SGIP1: variants seen among roughly 807,000 people sequenced by gnomAD.
The protein encoded by SGIP1 is SH3-containing GRB2-like protein 3-interacting protein 1.
In SGIP1, 38 loss-of-function variants were observed where a neutral mutation model predicts 107.5. The ratio of observed to expected loss-of-function variants is 0.35; its 90% CI spans 0.27 to 0.46. The LOEUF (loss-of-function observed/expected upper bound fraction) is 0.46. SGIP1 is among the 20% of genes least tolerant of loss of function. The pLI is 1.00. For missense variants in SGIP1, 929 were observed against 1,019.5 expected (o/e 0.91, Z 1.21); for synonymous variants, 365 against 366.1 (o/e 1.00, Z 0.03).
At chr1:66,731,436 T>C (rs1046887526) in intron 20 of SGIP1, among the ~76,000 whole-genome samples, 7 of 152,200 alleles carry the variant, frequency 4.6e-5, no homozygotes, top group African/African-American at 1.7e-4. Flanking sequence ...TGTATACATA[T>C]ATTAACATAC....
chr1:66,590,088 G>T (rs927491794), intron 1 of SGIP1, among the ~76,000 whole-genome samples: 1 of 152,084 alleles, frequency 6.6e-6, no homozygotes, highest in Non-Finnish European at 1.5e-5. Flanking sequence ...CAACCACCAC[G>T]TCCAATTCAA....
intron 10 of SGIP1, 72 bp from the exon 11 acceptor site, chr1:66,671,871 CA>C (rs2083903329): frequency 1.4e-6 from 2 of 1,433,208 alleles, no homozygotes; most frequent in Non-Finnish European, 1.9e-6. Context: ...TAAGTGTTTC[CA>C]AACATAGGTT....
rs563240591 is a variant in SGIP1 at position 66,665,039 on chromosome 1, A to G, written c.472-2491A>G. Among the ~76,000 whole-genome samples the G allele has an allele frequency of 2.0e-5, 3 of 152,286 alleles. No homozygotes were observed. In the South Asian group the frequency reaches 6.2e-4, roughly 32 times the overall value. ...TGCACAACGTGCAGGTTTGTTACAT[A>G]TGTATACATGGTGCCATGTTGGTTG... On this transcript the variant is annotated intron_variant, in intron 8 of 24. Transcript: ENST00000371037.
chr1:66,750,767 C>T lies in SGIP1; in HGVS notation c.*7672C>T, dbSNP rs1465733239. ...CTCAAGAGAAAACCAACAACGGAAG[C>T]GAAGACTTACTTGCTCCTTCACAGA... On this transcript the variant is annotated 3_prime_UTR_variant, in exon 25 of 25. Transcript: ENST00000371037. 3.1e-5 allele frequency among the ~76,000 whole-genome samples: 4 copies of T among 128,996 alleles called. No individual in the cohort carries two copies. The highest frequency in any genetic ancestry group is 7.1e-5 in the Non-Finnish European group (4 of 56,012). The allele number at this position is 128,996 out of a possible 152,430, so 84.6% of individuals were successfully genotyped here.
intron 1 of SGIP1, among the ~76,000 whole-genome samples, chr1:66,587,598 G>A (rs1257918489): frequency 2.0e-5 from 3 of 152,010 alleles, no homozygotes; most frequent in African/African-American, 7.2e-5. Context: ...ATTAGAATTA[G>A]GCTTATTATT....
chr1:66,579,666 C>T (rs2061552976), intron 1 of SGIP1, among the ~76,000 whole-genome samples: 1 of 152,150 alleles, frequency 6.6e-6, no homozygotes, highest in African/African-American at 2.4e-5. Context: ...CTTGCCTTGG[C>T]TCCTTGTACC....
chr1:66,741,322 C>T lies in SGIP1; in HGVS notation c.2350C>T (p.Pro784Ser), dbSNP rs767337024. The part of the protein sequence containing the change: ...RFQLSEGPSK[P>S]SPLVVQFTSE... ...TCAGTTATCTGAAGGCCCAAGCAAACCTTCTCCATTGGTTGTGCAGTTCAC... is the reference window on the plus strand; with the variant it reads ...TCAGTTATCTGAAGGCCCAAGCAAATCTTCTCCATTGGTTGTGCAGTTCAC... The change falls in exon 24 of 25, where the codon CCT becomes TCT. Residue 784 changes from proline (P) to serine (S), a missense_variant. Physicochemically the swap from Pro to Ser is moderately conservative, Grantham distance 74. Coordinates refer to ENST00000371037, the MANE Select transcript of SGIP1 (RefSeq NM_032291.4). 6.2e-7 allele frequency: 1 copy of T among 1,605,828 alleles called. No homozygotes were observed. Among genetic ancestry groups the T allele is most frequent in the Non-Finnish European group, 8.5e-7 (1 of 1,176,282 alleles).
chr1:66,742,460 C>CTATTTTTTTTTTTTTTT, intron 24 of SGIP1, among the ~76,000 whole-genome samples: 1 of 45,104 alleles, frequency 2.2e-5, no homozygotes, highest in Non-Finnish European at 4.3e-5. Context: ...AGCACCCTTT[C>CTATTTTTTTTTTTTTTT]TTTTTTTTTT....
intron 1 of SGIP1, among the ~76,000 whole-genome samples, chr1:66,610,401 G>A (rs1007195656): frequency 6.6e-6 from 1 of 152,188 alleles, no homozygotes; most frequent in Non-Finnish European, 1.5e-5. Context: ...TTTGAGACCA[G>A]GCTCCCCTAA....
At chr1:66,597,669 C>T (rs1271807219) in intron 1 of SGIP1, among the ~76,000 whole-genome samples, 1 of 152,138 alleles carries the variant, frequency 6.6e-6, no homozygotes, top group Non-Finnish European at 1.5e-5. Flanking sequence ...TAGCCATTAA[C>T]AGTAAGTTGC....
At chr1:66,562,162 C>T (rs1311804750) in intron 1 of SGIP1, among the ~76,000 whole-genome samples, 4 of 151,848 alleles carry the variant, frequency 2.6e-5, no homozygotes, top group Admixed American at 6.6e-5. Context: ...TGCTAAGTAC[C>T]CAGCAGAGTG....
chr1:66,569,343 T>C (rs564952404), intron 1 of SGIP1, among the ~76,000 whole-genome samples: 1 of 152,028 alleles, frequency 6.6e-6, no homozygotes, highest in East Asian at 1.9e-4. Flanking sequence ...CCATTAAGCA[T>C]AATGCTTTGT....
At chr1:66,661,206 T>C (rs900964433) in intron 8 of SGIP1, among the ~76,000 whole-genome samples, 6 of 152,220 alleles carry the variant, frequency 3.9e-5, no homozygotes, top group African/African-American at 1.4e-4. Flanking sequence ...CTCTTCTTGG[T>C]TGCCTGGTTT....
At chr1:66,710,261 T>C (rs1329014072) in intron 18 of SGIP1, among the ~76,000 whole-genome samples, 2 of 152,164 alleles carry the variant, frequency 1.3e-5, no homozygotes, top group African/African-American at 4.8e-5. Context: ...CTGAACTATA[T>C]AGAAAGAATT....
intron 12 of SGIP1, 118 bp from the exon 13 acceptor site, chr1:66,676,886 A>T: frequency 1.4e-6 from 1 of 723,356 alleles, no homozygotes; most frequent in Non-Finnish European, 2.3e-6. Context: ...TTAATTTTTT[A>T]GTACTGAGAC....
chr1:66,707,016 G>A (rs977302310), intron 18 of SGIP1, among the ~76,000 whole-genome samples: 1 of 152,072 alleles, frequency 6.6e-6, no homozygotes, highest in East Asian at 1.9e-4. Flanking sequence ...ACTATTCAGA[G>A]AGTAGTAGAA....
chr1:66,631,681 TTCTCTCTCTC>T (rs71058468), intron 2 of SGIP1, among the ~76,000 whole-genome samples: 1,819 of 132,188 alleles, frequency 0.014, 20 homozygotes, highest in Middle Eastern at 0.063. Flanking sequence ...CTCTCTCTCT[TTCTCTCTCTC>T]TCTCTCTCTC....
At chr1:66,700,360 G>A (rs1572001794) in intron 18 of SGIP1, among the ~76,000 whole-genome samples, 1 of 121,044 alleles carries the variant, frequency 8.3e-6, no homozygotes, top group Non-Finnish European at 1.6e-5. Flanking sequence ...GACAGGGTGA[G>A]ACTCCATCTC....
rs2016093 is a variant in SGIP1, at chr1:66,749,755, T to C, written c.*6660T>C. 0.27 allele frequency among the ~76,000 whole-genome samples: 41,051 copies of C among 151,904 alleles called. 5,659 individuals are homozygous for C. Among genetic ancestry groups the C allele is most frequent in the South Asian group, 0.31 (1,495 of 4,812 alleles). Reference sequence around the variant, plus strand: ...GTTTTACATTACTTTTATGAATTTTTTTTCTCGCAAAGTAAATGCTTGATG... The same window carrying C: ...GTTTTACATTACTTTTATGAATTTTCTTTCTCGCAAAGTAAATGCTTGATG... On this transcript the variant is annotated 3_prime_UTR_variant, in exon 25 of 25. Coordinates refer to ENST00000371037, the MANE Select transcript of SGIP1 (RefSeq NM_032291.4).
Sources: gnomAD v4.1 joint callset for allele counts (sites outside exome capture counted in the v4.1 genomes callset) on GRCh38, gnomAD v4.1.1 for gene constraint, MANE v1.5 for transcripts, NCBI Gene and HGNC (gene_info 2026-07-23, HGNC 2026-07-21) for gene names.